PVALEF: variants seen among roughly 807,000 people sequenced by gnomAD.
PVALEF encodes the protein parvalbumin like EF-hand containing.
PVALEF carries 2 observed loss-of-function variants against 1.2 expected under a neutral mutation model. The ratio of observed to expected loss-of-function variants is 1.68; its 90% CI spans 0.69 to 5.28. PVALEF has a LOEUF of 5.28. Ranked by LOEUF, PVALEF falls within the 30% of genes most tolerant of loss-of-function variation. The pLI is 0.06. For synonymous variants in PVALEF, 16 were observed against 6.5 expected (o/e 2.47, Z -2.24); for missense variants, 35 against 17.7 (o/e 1.97, Z -1.75).
chr17:81,170,083 TGTA>T (rs1320451032), intron 2 of PVALEF, among the ~76,000 whole-genome samples: 1 of 151,674 alleles, frequency 6.6e-6, no homozygotes, highest in East Asian at 1.9e-4. Flanking sequence ...TGTGCATATG[TGTA>T]GGTGTGTGTT....
rs1417292479 is a variant in PVALEF at position 81,181,345 on chromosome 17, C to G, written c.106+13C>G. 3 of 640,046 alleles carry G rather than the reference C, an allele frequency of 4.7e-6. No homozygotes were observed. Among genetic ancestry groups the G allele is most frequent in the Admixed American group, 2.3e-5 (1 of 43,182 alleles). The allele number at this position is 640,046 out of a possible 1,614,324, so 39.6% of individuals were successfully genotyped here. A position where few individuals can be genotyped will look rare whatever the true frequency, so the allele number is the denominator to read the frequency against. ...ATGAGACACCACGGTACAGCATGCC[C>G]CCGCCCGGCGCGGCCCCCCGCCCGT... On this transcript the variant is annotated intron_variant, in intron 4 of 6. Coordinates refer to ENST00000637878, the MANE Select transcript of PVALEF (RefSeq NM_001354639.2).
intron 3 of PVALEF, among the ~76,000 whole-genome samples, chr17:81,180,125 C>CGGGCTCCCCTGCCTTCGTTGG (rs1567838089): frequency 6.6e-6 from 1 of 152,198 alleles, no homozygotes; most frequent in Non-Finnish European, 1.5e-5. Flanking sequence ...GCCCGGATCT[C>CGGGCTCCCCTGCCTTCGTTGG]GGGCTCCCCT....
At chr17:81,174,779 C>A (rs975596213) in intron 2 of PVALEF, among the ~76,000 whole-genome samples, 1 of 152,074 alleles carries the variant, frequency 6.6e-6, no homozygotes, top group African/African-American at 2.4e-5. Flanking sequence ...GAAACCCTGT[C>A]TCTACTAAAA....
intron 3 of PVALEF, among the ~76,000 whole-genome samples, chr17:81,179,915 A>C (rs1414101810): frequency 8.5e-5 from 13 of 152,170 alleles, no homozygotes. Context: ...GCCTTTTGGC[A>C]GGGCCTTTCC....
intron 2 of PVALEF, among the ~76,000 whole-genome samples, chr17:81,176,733 T>C (rs57888557): frequency 0.24 from 35,770 of 151,876 alleles, 4,554 homozygotes; most frequent in Non-Finnish European, 0.28. Context: ...AGAATGACAG[T>C]ATCATCCAGC....
At chr17:81,177,437 A>T (rs1401042595) in intron 2 of PVALEF, among the ~76,000 whole-genome samples, 1 of 151,794 alleles carries the variant, frequency 6.6e-6, no homozygotes, top group Non-Finnish European at 1.5e-5. Context: ...AATTCCAGCT[A>T]CTTGGGAGTT....
At chr17:81,165,886 G>T in intron 1 of PVALEF, 139 bp downstream of exon 1, 24 of 1,551,578 alleles carry the variant, frequency 1.5e-5, no homozygotes, top group Non-Finnish European at 2.1e-5. Flanking sequence ...GGGGCATCAC[G>T]TCCGCAGCGG....
intron 1 of PVALEF, among the ~76,000 whole-genome samples, 174 bp from the exon 2 acceptor site, chr17:81,166,503 C>CGGG (rs1352693269): frequency 0.037 from 489 of 13,194 alleles, 47 homozygotes; most frequent in South Asian, 0.2. Flanking sequence ...CGGAGGCTGG[C>CGGG]GGGGGGGGGG....
intron 3 of PVALEF, among the ~76,000 whole-genome samples, chr17:81,180,608 C>T (rs910656775): frequency 1.3e-5 from 2 of 152,144 alleles, no homozygotes; most frequent in South Asian, 4.1e-4. Flanking sequence ...GGCGTCTCCC[C>T]ACATCACATG....
chr17:81,172,980 C>T (rs1198339327), intron 2 of PVALEF, among the ~76,000 whole-genome samples: 3 of 152,080 alleles, frequency 2.0e-5, no homozygotes, highest in Admixed American at 6.5e-5. Context: ...GAAGCGGCGG[C>T]GTGAGGCCTT....
chr17:81,172,474 G>A (rs1008657749), intron 2 of PVALEF, among the ~76,000 whole-genome samples: 2 of 152,182 alleles, frequency 1.3e-5, no homozygotes, highest in Admixed American at 1.3e-4. Context: ...AGCAGCAGAC[G>A]GCCAGTCAAG....
At chr17:81,182,477 C>T (rs1396062127) in intron 6 of PVALEF, among the ~76,000 whole-genome samples, 2 of 152,196 alleles carry the variant, frequency 1.3e-5, no homozygotes, top group Non-Finnish European at 2.9e-5. Flanking sequence ...CTCCAGACAC[C>T]GCTTGCCCAG....
chr17:81,175,234 G>A (rs986370010), intron 2 of PVALEF, among the ~76,000 whole-genome samples: 1 of 152,092 alleles, frequency 6.6e-6, no homozygotes, highest in Admixed American at 6.6e-5. Context: ...TGAAAGACTT[G>A]CACAATGAAA....
chr17:81,170,370 T>C (rs1269341127), intron 2 of PVALEF, among the ~76,000 whole-genome samples: 1 of 152,008 alleles, frequency 6.6e-6, no homozygotes, highest in Non-Finnish European at 1.5e-5. Context: ...TCTGTGCGTG[T>C]GTGTGTGTCC....
chr17:81,174,048 G>A (rs776488441), intron 2 of PVALEF, among the ~76,000 whole-genome samples: 1 of 152,146 alleles, frequency 6.6e-6, no homozygotes, highest in Non-Finnish European at 1.5e-5. Context: ...CAGAAAACAC[G>A]TGATTATCTC....
intron 2 of PVALEF, among the ~76,000 whole-genome samples, chr17:81,169,716 C>T (rs947581065): frequency 2.0e-5 from 3 of 151,624 alleles, no homozygotes; most frequent in Non-Finnish European, 4.4e-5. Context: ...CTGCCTGCAT[C>T]GTCACATAGT....
intron 2 of PVALEF, among the ~76,000 whole-genome samples, chr17:81,169,243 A>G (rs918895974): frequency 3.9e-5 from 6 of 152,210 alleles, no homozygotes; most frequent in Non-Finnish European, 7.3e-5. Flanking sequence ...CTAAAACACT[A>G]AGCTGTACCC....
At chr17:81,182,156 G>A (rs541649196) in intron 6 of PVALEF, 75 bp downstream of exon 6, 34 of 398,138 alleles carry the variant, frequency 8.5e-5, no homozygotes, top group African/African-American at 4.5e-4. Context: ...CCATGGCCCC[G>A]CCCCGAGGGC....
At chr17:81,169,728 G>A (rs1009648275) in intron 2 of PVALEF, among the ~76,000 whole-genome samples, 8 of 144,460 alleles carry the variant, frequency 5.5e-5, no homozygotes, top group Non-Finnish European at 7.9e-5. Context: ...TCACATAGTC[G>A]TGTGCGTGTG....
Sources: gnomAD v4.1 joint callset for allele counts (sites outside exome capture counted in the v4.1 genomes callset) on GRCh38, gnomAD v4.1.1 for gene constraint, MANE v1.5 for transcripts, NCBI Gene and HGNC (gene_info 2026-07-23, HGNC 2026-07-21) for gene names.